Variants in CPXM2 observed in about 807,000 individuals in gnomAD.
CPXM2 encodes the protein inactive carboxypeptidase-like protein X2.
A neutral mutation model predicts 86.1 loss-of-function variants in CPXM2; 66 were observed. The ratio of observed to expected loss-of-function variants is 0.77; its 90% CI spans 0.63 to 0.94. CPXM2 has a LOEUF of 0.94. CPXM2 is among the 40% of genes least tolerant of loss of function. CPXM2 has a pLI of 0.00. For missense variants in CPXM2, 948 were observed against 1,026.3 expected, an observed-to-expected ratio of 0.92 and a Z score of 1.04; for synonymous variants, 388 against 400.2, an observed-to-expected ratio of 0.97 and a Z score of 0.36.
chr10:123,833,810 A>G (rs994234895), intron 4 of CPXM2, among the ~76,000 whole-genome samples: 8 of 152,240 alleles, frequency 5.3e-5, no homozygotes, highest in Non-Finnish European at 7.3e-5. Flanking sequence ...ATTTCGGCTT[A>G]GCTGGAGATA....
intron 2 of CPXM2, among the ~76,000 whole-genome samples, chr10:123,909,360 A>C (rs1945470039): frequency 6.6e-6 from 1 of 152,182 alleles, no homozygotes; most frequent in Non-Finnish European, 1.5e-5. Context: ...AGTCCACACA[A>C]GGCTTAATTT....
chr10:123,830,673 G>A (rs1247425502), intron 4 of CPXM2, among the ~76,000 whole-genome samples: 2 of 152,154 alleles, frequency 1.3e-5, no homozygotes, highest in Non-Finnish European at 2.9e-5. Flanking sequence ...CAACAGGTTA[G>A]CGGGCTTGAA....
intron 2 of CPXM2, among the ~76,000 whole-genome samples, chr10:123,928,113 C>T (rs1945639386): frequency 6.6e-6 from 1 of 152,218 alleles, no homozygotes. Context: ...TATCAGCCTG[C>T]CTTCTGCGAG....
At chr10:123,890,776 C>T (rs1015795013) in intron 1 of CPXM2, among the ~76,000 whole-genome samples, 1 of 152,182 alleles carries the variant, frequency 6.6e-6, no homozygotes, top group Non-Finnish European at 1.5e-5. Context: ...AGCCGGAGTC[C>T]AGGCTGCAGC....
chr10:123,834,278 T>C (rs1282568292), intron 4 of CPXM2, among the ~76,000 whole-genome samples: 1 of 152,168 alleles, frequency 6.6e-6, no homozygotes, highest in East Asian at 1.9e-4. Flanking sequence ...CTGGCTTGTC[T>C]CCAGAGGAGA....
rs191028760 is a variant in CPXM2, at chr10:123,773,452, C to T, written c.979-2413G>A. Among the ~76,000 whole-genome samples, 5 of 152,336 alleles carry T rather than the reference C, an allele frequency of 3.3e-5. No individual in the cohort carries two copies. In the East Asian group the frequency reaches 9.6e-4, roughly 29 times the overall value. On this transcript the variant is annotated intron_variant, in intron 7 of 13. Coordinates refer to ENST00000241305, the MANE Select transcript of CPXM2 (RefSeq NM_198148.3). ...CCTCTGTGGTGGTGATTACTTTTCT[C>T]ACTGTGATTTCCTGCTTCTTTATTG...
At chr10:123,788,319 T>C (rs1401347654) in intron 6 of CPXM2, among the ~76,000 whole-genome samples, 1 of 147,210 alleles carries the variant, frequency 6.8e-6, no homozygotes, top group Non-Finnish European at 1.5e-5. Context: ...GGAATGCAAA[T>C]ACAGCCTTTT....
At chr10:123,779,298 G>C (rs188302262) in intron 7 of CPXM2, among the ~76,000 whole-genome samples, 1 of 152,182 alleles carries the variant, frequency 6.6e-6, no homozygotes, top group Non-Finnish European at 1.5e-5. Context: ...CGCACTTAGC[G>C]TAGGTACTGC....
chr10:123,775,044 G>A (rs1468816402), intron 7 of CPXM2, among the ~76,000 whole-genome samples: 2 of 152,184 alleles, frequency 1.3e-5, no homozygotes, highest in African/African-American at 4.8e-5. Context: ...GGAGACTAAG[G>A]CCCAGAAAGC....
chr10:123,860,033 C>A (rs920919388), intron 3 of CPXM2, among the ~76,000 whole-genome samples: 1 of 152,192 alleles, frequency 6.6e-6, no homozygotes, highest in Non-Finnish European at 1.5e-5. Context: ...CTATTCTGCA[C>A]ACCAGGGGCT....
At chr10:123,881,806 C>A (rs1206837560) in intron 1 of CPXM2, among the ~76,000 whole-genome samples, 1 of 152,204 alleles carries the variant, frequency 6.6e-6, no homozygotes, top group African/African-American at 2.4e-5. Flanking sequence ...TGGGTGGCAG[C>A]ATCCCAGTGG....
intron 3 of CPXM2, among the ~76,000 whole-genome samples, chr10:123,855,617 T>C (rs1045574745): frequency 7.2e-5 from 11 of 152,184 alleles, no homozygotes; most frequent in Non-Finnish European, 1.2e-4. Context: ...GGACGTGCCC[T>C]GGAACATGAG....
At chr10:123,870,079 G>A (rs1044217569) in intron 2 of CPXM2, among the ~76,000 whole-genome samples, 18 of 152,134 alleles carry the variant, frequency 1.2e-4, no homozygotes, top group African/African-American at 2.2e-4. Context: ...TAACTACTGC[G>A]AGCCAGACTG....
At position 123,768,452 on chromosome 10, in the gene CPXM2, T is replaced by C. The variant is rs532384672; in HGVS notation, c.1299+74A>G. ...CGGAAGGTGGAATTTTGCATAGCCCTAGGGCCAGACATACTCTGGAGCTGG... is the reference window on the plus strand; with the variant it reads ...CGGAAGGTGGAATTTTGCATAGCCCCAGGGCCAGACATACTCTGGAGCTGG... On this transcript the variant is annotated intron_variant, in intron 9 of 13. Coordinates refer to ENST00000241305, the MANE Select transcript of CPXM2 (RefSeq NM_198148.3). 658 of 1,187,928 alleles carry C rather than the reference T, an allele frequency of 5.5e-4. 1 individual carries two copies. Among genetic ancestry groups the C allele is most frequent in the Non-Finnish European group, 7.6e-4 (637 of 840,328 alleles). 73.6% of individuals were successfully genotyped at this position (1,187,928 alleles called of 1,614,324 possible).
chr10:123,833,187 T>C (rs150805490), intron 4 of CPXM2, among the ~76,000 whole-genome samples: 10 of 152,334 alleles, frequency 6.6e-5, no homozygotes, highest in African/African-American at 2.4e-4. Flanking sequence ...TTTCTAAACC[T>C]GTTTTCTTAT....
intron 2 of CPXM2, among the ~76,000 whole-genome samples, chr10:123,868,936 G>A (rs1452829739): frequency 1.3e-5 from 2 of 152,162 alleles, no homozygotes; most frequent in African/African-American, 4.8e-5. Flanking sequence ...GAAATATCTG[G>A]TTCTGGTCCA....
At chr10:123,897,544 C>T (rs1218359977) in intron 2 of CPXM2, among the ~76,000 whole-genome samples, 1 of 152,112 alleles carries the variant, frequency 6.6e-6, no homozygotes, top group Non-Finnish European at 1.5e-5. Flanking sequence ...TGAGCTTGGG[C>T]GGAGTGGCAT....
At chr10:123,816,990 TCA>T (rs1491046061) in intron 4 of CPXM2, among the ~76,000 whole-genome samples, 1 of 142,310 alleles carries the variant, frequency 7.0e-6, no homozygotes, top group Non-Finnish European at 1.5e-5. Context: ...AACTTCTACC[TCA>T]GAAAAATTTC....
intron 2 of CPXM2, among the ~76,000 whole-genome samples, chr10:123,875,790 GTTTCTTTCT>G (rs766099389): frequency 0.062 from 6,899 of 112,084 alleles, 248 homozygotes; most frequent in South Asian, 0.094. Context: ...AGGAGATCAT[GTTTCTTTCT>G]TTTCTTTCTT....
Sources: gnomAD v4.1 joint callset for allele counts (sites outside exome capture counted in the v4.1 genomes callset) on GRCh38, gnomAD v4.1.1 for gene constraint, MANE v1.5 for transcripts, NCBI Gene and HGNC (gene_info 2026-07-23, HGNC 2026-07-21) for gene names.